The following AK5 variants were observed in gnomAD, a reference collection of about 807,000 sequenced individuals.
The protein encoded by AK5 is adenylate kinase 5, also known as adenylate kinase isoenzyme 5.
Under a neutral mutation model 69.5 loss-of-function variants are expected in AK5, and 27 were observed. That is an observed-to-expected ratio of 0.39 (90% CI 0.29 to 0.54). AK5 has a LOEUF of 0.54. Among genes scored for constraint, AK5 ranks in the 20% least tolerant of loss-of-function variants. The pLI is 0.71. For missense variants in AK5, 531 were observed against 700.4 expected (o/e 0.76, Z 2.73); for synonymous variants, 260 against 244.4 (o/e 1.06, Z -0.60).
At chr1:77,313,862 G>A (rs1174308788) in intron 5 of AK5, 1 of 532,756 alleles carries the variant, frequency 1.9e-6, no homozygotes, top group African/African-American at 1.9e-5. Flanking sequence ...GCTCCCTGCG[G>A]GGTATGTCCA....
In AK5 at chr1:77,540,057, G is replaced by T. The variant is rs565489087; in HGVS notation, c.1620+4019G>T. Among the ~76,000 whole-genome samples the T allele has an allele frequency of 3.9e-5, 6 of 152,276 alleles. No homozygotes were observed. The South Asian group carries it at 1.2e-3, about 32-fold the overall frequency. ...GCCTCTACCCAGCAATGCTGACATTGAACCCATCATCTGACACCCTCCATC... is the reference window on the plus strand; with the variant it reads ...GCCTCTACCCAGCAATGCTGACATTTAACCCATCATCTGACACCCTCCATC... On this transcript the variant is annotated intron_variant, in intron 13 of 13. Coordinates refer to ENST00000354567, the MANE Select transcript of AK5 (RefSeq NM_174858.3).
At chr1:77,346,724 C>G (rs1001596677) in intron 6 of AK5, among the ~76,000 whole-genome samples, 1 of 152,084 alleles carries the variant, frequency 6.6e-6, no homozygotes, top group Non-Finnish European at 1.5e-5. Context: ...TCTCGGACTC[C>G]TGAGCTAAAG....
rs1168359404 is a variant in AK5, at chr1:77,536,666, G to T, written c.1620+628G>T. On this transcript the variant is annotated intron_variant, in intron 13 of 13. Transcript: ENST00000354567. ...GGGAAGAAGGCAGGGAGGGAGGGAG[G>T]CATAGATGAGACGTAGGCTCTGCCA... Among the ~76,000 whole-genome samples, 3 of 152,284 alleles carry T rather than the reference G, an allele frequency of 2.0e-5. No individual in the cohort carries two copies. In the Middle Eastern group the frequency reaches 0.01, roughly 518 times the overall value.
At chr1:77,336,230 C>A (rs1021115252) in intron 5 of AK5, among the ~76,000 whole-genome samples, 2 of 151,846 alleles carry the variant, frequency 1.3e-5, no homozygotes, top group African/African-American at 4.8e-5. Flanking sequence ...TACAGGCATG[C>A]GCCACCACGC....
rs56718956 is a variant in AK5, at chr1:77,482,992, TAAAAAAAAAAAAAAAAAAAAAAAAAAAAA to T, written c.1060-305_1060-277del. On this transcript the variant is annotated intron_variant, in intron 8 of 13. Coordinates refer to ENST00000354567, the MANE Select transcript of AK5 (RefSeq NM_174858.3). ...CTGTCCACAGATAGTTTTTGCACTT[TAAAAAAAAAAAAAAAAAAAAAAAAAAAAA>T]AAAAAAAAAAAAAAAAAAAGAGGTG... 3.0e-3 allele frequency among the ~76,000 whole-genome samples: 132 copies of T among 43,918 alleles called. 1 individual carries two copies. The highest frequency in any genetic ancestry group is 0.019 in the Middle Eastern group (1 of 52). The allele number at this position is 43,918 out of a possible 152,430, so 28.8% of individuals were successfully genotyped here.
intron 10 of AK5, among the ~76,000 whole-genome samples, chr1:77,506,711 T>C (rs538120227): frequency 6.6e-6 from 1 of 152,154 alleles, no homozygotes; most frequent in Non-Finnish European, 1.5e-5. Flanking sequence ...TATTCATTGT[T>C]AATGGGGCCG....
At chr1:77,524,884 G>C (rs1275799693) in intron 12 of AK5, among the ~76,000 whole-genome samples, 1 of 151,956 alleles carries the variant, frequency 6.6e-6, no homozygotes, top group Admixed American at 6.6e-5. Context: ...TATATATTTA[G>C]GTATTTTGAT....
chr1:77,446,705 ATTG>A (rs769213661), intron 8 of AK5, among the ~76,000 whole-genome samples: 34 of 151,760 alleles, frequency 2.2e-4, no homozygotes, highest in East Asian at 3.9e-4. Flanking sequence ...GTTTGTTGTT[ATTG>A]TTGTTGTTGT....
At chr1:77,556,089 AT>A (rs1195360948) in intron 13 of AK5, among the ~76,000 whole-genome samples, 13 of 152,158 alleles carry the variant, frequency 8.5e-5, no homozygotes, top group Non-Finnish European at 1.5e-4. Flanking sequence ...AAAAAAACTT[AT>A]TTTTTCCTTA....
chr1:77,283,370 AC>A, intron 1 of AK5: 1 of 985,402 alleles, frequency 1.0e-6, no homozygotes, highest in Non-Finnish European at 1.2e-6. Context: ...TTCACTGCAA[AC>A]CTCGTTCCCC....
At chr1:77,318,552 G>A (rs1176258748) in intron 5 of AK5, among the ~76,000 whole-genome samples, 1 of 152,138 alleles carries the variant, frequency 6.6e-6, no homozygotes, top group African/African-American at 2.4e-5. Flanking sequence ...AGTAAGATGT[G>A]TTCCCAGTAT....
At chr1:77,511,984 G>C (rs183708633) in intron 10 of AK5, among the ~76,000 whole-genome samples, 2 of 152,138 alleles carry the variant, frequency 1.3e-5, no homozygotes, top group East Asian at 1.9e-4. Flanking sequence ...TCCAAATAAC[G>C]AACGCTCAGT....
chr1:77,397,138 C>T (rs1422820465), intron 6 of AK5, among the ~76,000 whole-genome samples: 1 of 152,178 alleles, frequency 6.6e-6, no homozygotes, highest in Non-Finnish European at 1.5e-5. Context: ...GCAGAGGCAC[C>T]CTCATCTTCT....
At position 77,360,666 on chromosome 1, in the gene AK5, T is replaced by C. The variant is rs554972974; in HGVS notation, c.891+20098T>C. Among the ~76,000 whole-genome samples, 7 of 152,304 alleles carry C rather than the reference T, an allele frequency of 4.6e-5. No individual in the cohort carries two copies. The South Asian group carries it at 1.2e-3, about 27-fold the overall frequency. On this transcript the variant is annotated intron_variant, in intron 6 of 13. Coordinates refer to ENST00000354567, the MANE Select transcript of AK5 (RefSeq NM_174858.3). ...TTGTTTGGTTTGGTTTTGTATTACATTGGTTTTGTTTTTGGGAATGAGAGA... is the reference window on the plus strand; with the variant it reads ...TTGTTTGGTTTGGTTTTGTATTACACTGGTTTTGTTTTTGGGAATGAGAGA...
At chr1:77,448,743 G>C (rs1338049245) in intron 8 of AK5, among the ~76,000 whole-genome samples, 1 of 152,184 alleles carries the variant, frequency 6.6e-6, no homozygotes, top group African/African-American at 2.4e-5. Context: ...AAAGAGAGAA[G>C]AGCTGTGGCC....
At chr1:77,497,361 A>G (rs1334117184) in intron 10 of AK5, among the ~76,000 whole-genome samples, 1 of 152,166 alleles carries the variant, frequency 6.6e-6, no homozygotes, top group Non-Finnish European at 1.5e-5. Flanking sequence ...GCAAGACCAC[A>G]AACCCACCGG....
At chr1:77,485,989 C>T (rs970028624) in intron 9 of AK5, among the ~76,000 whole-genome samples, 2 of 152,098 alleles carry the variant, frequency 1.3e-5, no homozygotes, top group African/African-American at 4.8e-5. Flanking sequence ...TGGTGGCATG[C>T]CTATAATCCC....
chr1:77,375,390 G>T (rs550979123), intron 6 of AK5, among the ~76,000 whole-genome samples: 1 of 152,244 alleles, frequency 6.6e-6, no homozygotes, highest in African/African-American at 2.4e-5. Context: ...GCAGGAAAAG[G>T]ACATCGGGGC....
chr1:77,334,948 G>A (rs924448854), intron 5 of AK5, among the ~76,000 whole-genome samples: 3 of 152,180 alleles, frequency 2.0e-5, no homozygotes, highest in African/African-American at 4.8e-5. Flanking sequence ...TGATAGCAAA[G>A]TCCAGTTGTC....
Sources: gnomAD v4.1 joint callset for allele counts (sites outside exome capture counted in the v4.1 genomes callset) on GRCh38, gnomAD v4.1.1 for gene constraint, MANE v1.5 for transcripts, NCBI Gene and HGNC (gene_info 2026-07-23, HGNC 2026-07-21) for gene names.